The following SLC4A3 variants were observed in gnomAD, a reference collection of about 807,000 sequenced individuals.
SLC4A3 encodes solute carrier family 4 member 3, also known as anion exchange protein 3.
A neutral mutation model predicts 114.2 loss-of-function variants in SLC4A3; 47 were observed. The ratio of observed to expected loss-of-function variants is 0.41; its 90% CI spans 0.33 to 0.52. The LOEUF (loss-of-function observed/expected upper bound fraction) is 0.52. Ranked by LOEUF, SLC4A3 falls within the 20% of genes least tolerant of loss-of-function variation. The probability of loss-of-function intolerance (pLI) is 0.21; values close to 1 mark genes in which losing one functional copy is unlikely to be tolerated. For missense variants in SLC4A3, 1,312 were observed against 1,668.3 expected (o/e 0.79, Z 3.72); for synonymous variants, 693 against 710.3 (o/e 0.98, Z 0.39).
At position 219,637,660 on chromosome 2, in the gene SLC4A3, C is replaced by G; in HGVS notation, c.2615C>G (p.Pro872Arg). ...GGGTCCCTGGATGCTGGTCTGGAGC[C>G]AAATGGCAGTGCCCTGCCCCCCACC... is the stretch of plus-strand genomic sequence containing the variant. Reference protein sequence around the residue: ...LEGSLDAGLEPNGSALPPTEG... With the variant: ...LEGSLDAGLERNGSALPPTEG... The change falls in exon 17 of 23, where the codon CCA becomes CGA. Residue 872 changes from proline to arginine, a missense_variant. Coordinates refer to ENST00000358055, the MANE Select transcript of SLC4A3 (RefSeq NM_005070.4). This position sits in a 1 kb window ranked among gnomAD's most constrained non-coding sequence, Gnocchi z 4.6. 3.1e-6 allele frequency: 5 copies of G among 1,612,858 alleles called. No individual in the cohort carries two copies. The Middle Eastern group carries it at 5.0e-4, about 160-fold the overall frequency.
chr2:219,633,367 C>T lies in SLC4A3; in HGVS notation c.1371C>T (p.Pro457=), dbSNP rs542246311. 83 of 1,607,486 alleles carry T rather than the reference C, an allele frequency of 5.2e-5. 1 individual carries two copies. In the South Asian group the frequency reaches 6.9e-4, roughly 13 times the overall value. ...TTCTGGGGAATCATCACCCAACTCC[C>T]AGCCATGGCCCTGATGGGGCGGTGC... is the stretch of plus-strand genomic sequence containing the variant. ...NSVLGNHHPT[P]SHGPDGAVPT... is the part of the protein sequence containing the mutation. Residue 457 remains proline (P), a synonymous_variant, in exon 10 of 23, where the codon CCC becomes CCT. Transcript: ENST00000358055.
At position 219,636,541 on chromosome 2, in the gene SLC4A3, GC is replaced by G. The variant is rs1699125122; in HGVS notation, c.2340+95del. ...CCACACTCTTCCTTACCTACATCCT[GC>G]CCCACACTCTTCCTTACCTAGGGGA... is the stretch of plus-strand genomic sequence containing the variant. On this transcript the variant is annotated intron_variant, in intron 15 of 22. Coordinates refer to ENST00000358055, the MANE Select transcript of SLC4A3 (RefSeq NM_005070.4). This position sits in a 1 kb window ranked among gnomAD's most constrained non-coding sequence, Gnocchi z 5.5. 9 of 1,494,368 alleles carry G rather than the reference GC, an allele frequency of 6.0e-6. No homozygotes were observed. Among genetic ancestry groups the G allele is most frequent in the Non-Finnish European group, 8.1e-6 (9 of 1,113,882 alleles). 92.6% of individuals were successfully genotyped at this position (1,494,368 alleles called of 1,614,324 possible).
In SLC4A3 at chr2:219,639,659, C is replaced by T. The variant is rs779921895; in HGVS notation, c.3201C>T (p.Ile1067=). Residue 1067 remains isoleucine, a synonymous_variant, in exon 20 of 23, where the codon ATC becomes ATT. Coordinates refer to ENST00000358055, the MANE Select transcript of SLC4A3 (RefSeq NM_005070.4). This position sits in a 1 kb window ranked among gnomAD's most constrained non-coding sequence, Gnocchi z 5.9. The stretch of plus-strand genomic sequence containing the variant: ...CGTTGACAGTGATGCGTACTGCCAT[C>T]GCGCCTGGTGACAAGCCCCAGATCC... ...VNALTVMRTA[I]APGDKPQIQE... is the part of the protein sequence containing the mutation. 4.5e-5 allele frequency: 72 copies of T among 1,613,252 alleles called. No homozygotes were observed. In the East Asian group the frequency reaches 1.2e-3, roughly 28 times the overall value.
Position 219,627,927 on chromosome 2 carries a change from C to T in SLC4A3, c.-66C>T, listed in dbSNP as rs368704495. 6.7e-5 allele frequency: 93 copies of T among 1,393,588 alleles called. No homozygotes were observed. The African/African-American group carries it at 1.0e-3, about 15-fold the overall frequency. 86.3% of individuals were successfully genotyped at this position (1,393,588 alleles called of 1,614,324 possible). A position where few individuals can be genotyped will look rare whatever the true frequency, so the allele number is the denominator to read the frequency against. ...CTCCCCGCTAGGCCCCCTCAGTGGC[C>T]CCTCCTTCTCACCTGGGTCTCGGGT... is the stretch of plus-strand genomic sequence containing the variant. On this transcript the variant is annotated 5_prime_UTR_variant, in exon 2 of 23. Transcript: ENST00000358055.
intron 5 of SLC4A3, 67 bp downstream of exon 5, chr2:219,629,762 T>A: frequency 1.9e-6 from 2 of 1,027,750 alleles, no homozygotes; most frequent in Non-Finnish European, 2.8e-6. Context: ...CTCCTGGCAG[T>A]CACCTCCTTC....
At chr2:219,640,359 A>T (rs2106206269) in intron 20 of SLC4A3, 71 bp from the exon 21 acceptor site, 1 of 1,525,364 alleles carries the variant, frequency 6.6e-7, no homozygotes, top group Non-Finnish European at 8.9e-7. Context: ...GATCTGTGTC[A>T]CCTCTTCCAG....
In SLC4A3 at chr2:219,632,858, C is replaced by T; in HGVS notation, c.1142-16C>T. The T allele has an allele frequency of 3.1e-6, 5 of 1,613,904 alleles. No individual in the cohort carries two copies. The highest frequency in any genetic ancestry group is 4.2e-6 in the Non-Finnish European group (5 of 1,179,888). ...TGATGGGACTGTGCCCTCTCTGTGCCTGACTGTCCCCCTAGGAGCTGCCCT... is the reference window on the plus strand; with the variant it reads ...TGATGGGACTGTGCCCTCTCTGTGCTTGACTGTCCCCCTAGGAGCTGCCCT... On this transcript the variant is annotated splice_polypyrimidine_tract_variant and intron_variant, in intron 8 of 22. Transcript: ENST00000358055.
chr2:219,631,131 C>T lies in SLC4A3; in HGVS notation c.811+779C>T. On this transcript the variant is annotated intron_variant, in intron 6 of 22. Coordinates refer to ENST00000358055, the MANE Select transcript of SLC4A3 (RefSeq NM_005070.4). The surrounding 1 kb of genome is among the most constrained non-coding windows in gnomAD (Gnocchi z 6.3). ...GGGAGTTGGGGTCGGGAGGCTGTGC[C>T]ACCTTCAGCTCTGGTTGGACAGAAG... 8.6e-7 allele frequency: 1 copy of T among 1,164,948 alleles called. No homozygotes were observed. The highest frequency in any genetic ancestry group is 1.1e-6 in the Non-Finnish European group (1 of 921,356). The allele number at this position is 1,164,948 out of a possible 1,614,324, so 72.2% of individuals were successfully genotyped here.
At chr2:219,633,768 C>A in intron 10 of SLC4A3, 112 bp from the exon 11 acceptor site, 1 of 1,489,420 alleles carries the variant, frequency 6.7e-7, no homozygotes, top group Non-Finnish European at 9.0e-7. Flanking sequence ...CAGTACCTGC[C>A]TACTCTGGGA....
At chr2:219,633,171 A>C in intron 9 of SLC4A3, 103 bp from the exon 10 acceptor site, 1 of 1,379,900 alleles carries the variant, frequency 7.2e-7, no homozygotes, top group South Asian at 1.4e-5. Context: ...TTCTTTTTAC[A>C]CTGAGGCAGA....
At chr2:219,640,094 A>T (rs1475253493) in intron 20 of SLC4A3, among the ~76,000 whole-genome samples, 1 of 151,958 alleles carries the variant, frequency 6.6e-6, no homozygotes, top group African/African-American at 2.4e-5. Context: ...ACGCCCAGCT[A>T]ATTTTTTGTA....
In SLC4A3 at chr2:219,634,592, T is replaced by G; in HGVS notation, c.1734T>G (p.Leu578=). The change falls in exon 12 of 23, where the codon CTT becomes CTG. Residue 578 remains leucine, a synonymous_variant. Coordinates refer to ENST00000358055, the MANE Select transcript of SLC4A3 (RefSeq NM_005070.4). The stretch of plus-strand genomic sequence containing the variant: ...AGCTTGGGCGCTCCATTGCCACCCT[T>G]ATGTCTGACAAGGTTGGGCGCGTGC... ...YHELGRSIAT[L]MSDKLFHEAA... is the part of the protein sequence containing the mutation. 9 of 1,614,108 alleles carry G rather than the reference T, an allele frequency of 5.6e-6. No individual in the cohort carries two copies. Among genetic ancestry groups the G allele is most frequent in the Non-Finnish European group, 7.6e-6 (9 of 1,179,998 alleles).
chr2:219,627,845 G>T, intron 1 of SLC4A3, 55 bp from the exon 2 acceptor site: 3 of 618,120 alleles, frequency 4.9e-6, no homozygotes, highest in Non-Finnish European at 8.2e-6. Context: ...CGTGCATCCG[G>T]CTCCCGGGTG....
At position 219,638,625 on chromosome 2, in the gene SLC4A3, C is replaced by T. The variant is rs899026731; in HGVS notation, c.2857-78C>T. The T allele has an allele frequency of 3.1e-5, 46 of 1,473,060 alleles. No individual in the cohort carries two copies. The highest frequency in any genetic ancestry group is 4.9e-5 in the South Asian group (4 of 81,794). The allele number at this position is 1,473,060 out of a possible 1,614,324, so 91.2% of individuals were successfully genotyped here. A position where few individuals can be genotyped will look rare whatever the true frequency, so the allele number is the denominator to read the frequency against. On this transcript the variant is annotated intron_variant, in intron 18 of 22. Transcript: ENST00000358055. The surrounding 1 kb of genome is among the most constrained non-coding windows in gnomAD (Gnocchi z 7.5). ...GCTCCCTGAAGTCCTGGACTGGGGA[C>T]GCAGCTTAGTGGGCTGCTTGGTGGG... is the stretch of plus-strand genomic sequence containing the variant.
chr2:219,634,421 T>C lies in SLC4A3; in HGVS notation c.1563T>C (p.Gly521=). The C allele has an allele frequency of 1.2e-6, 2 of 1,614,060 alleles. No homozygotes were observed. Among genetic ancestry groups the C allele is most frequent in the Non-Finnish European group, 1.7e-6 (2 of 1,179,978 alleles). ...EDAEATVVLV[G]CVPFLEQPAA... is the part of the protein sequence containing the mutation. ...CCCTGTGCTTTCCTCTTCCCCTAGGTTGTGTGCCTTTCTTGGAGCAGCCTG... is the reference window on the plus strand; with the variant it reads ...CCCTGTGCTTTCCTCTTCCCCTAGGCTGTGTGCCTTTCTTGGAGCAGCCTG... Residue 521 remains glycine, a splice_region_variant and synonymous_variant, in exon 12 of 23, where the codon GGT becomes GGC. Transcript: ENST00000358055.
chr2:219,632,828 C>T (rs1574649367), intron 8 of SLC4A3, 46 bp from the exon 9 acceptor site: 1 of 1,605,384 alleles, frequency 6.2e-7, no homozygotes, highest in East Asian at 2.2e-5. Context: ...GAGATTTTTC[C>T]TGTCTGATGG....
intron 10 of SLC4A3, 92 bp downstream of exon 10, chr2:219,633,549 A>G (rs962810944): frequency 3.4e-6 from 4 of 1,190,616 alleles, no homozygotes; most frequent in Non-Finnish European, 4.6e-6. Flanking sequence ...TGGGTTGGGA[A>G]GGTTGGATTG....
chr2:219,631,571 G>T lies in SLC4A3; in HGVS notation c.812-397G>T. The T allele has an allele frequency of 1.0e-6, 1 of 998,668 alleles. No individual in the cohort carries two copies. The allele number at this position is 998,668 out of a possible 1,614,324, so 61.9% of individuals were successfully genotyped here. On this transcript the variant is annotated intron_variant, in intron 6 of 22. Transcript: ENST00000358055. The surrounding 1 kb of genome is among the most constrained non-coding windows in gnomAD (Gnocchi z 6.3). ...CTGGGCTGTGTACCTTCGGGGAGGG[G>T]ACGTGGGTGTTGAGATAGGGTGCAC...
In SLC4A3 at chr2:219,628,107, G is replaced by A. The variant is rs1029383485; in HGVS notation, c.51+64G>A. On this transcript the variant is annotated intron_variant, in intron 2 of 22. Transcript: ENST00000358055. The surrounding 1 kb of genome is among the most constrained non-coding windows in gnomAD (Gnocchi z 4.8). ...GGAGAGGGGAGGGACCTTAGGGTGG[G>A]CAGAGGAGTCCTCTGGCCGACCCCG... is the stretch of plus-strand genomic sequence containing the variant. 5.3e-6 allele frequency: 7 copies of A among 1,319,918 alleles called. No homozygotes were observed. In the African/African-American group the frequency reaches 9.0e-5, roughly 17 times the overall value. The allele number at this position is 1,319,918 out of a possible 1,614,324, so 81.8% of individuals were successfully genotyped here.
Sources: gnomAD v4.1 joint callset for allele counts (sites outside exome capture counted in the v4.1 genomes callset) on GRCh38, gnomAD v4.1.1 for gene constraint, Gnocchi (gnomAD v3.1) non-coding constraint, MANE v1.5 for transcripts, NCBI Gene and HGNC (gene_info 2026-07-23, HGNC 2026-07-21) for gene names.